Variants in BSN observed in about 807,000 individuals in gnomAD.
BSN encodes the protein protein bassoon.
Under a neutral mutation model 264.8 loss-of-function variants are expected in BSN, and 57 were observed. That is an observed-to-expected ratio of 0.22 (90% CI 0.17 to 0.27). BSN has a LOEUF of 0.27. Among genes scored for constraint, BSN ranks in the 10% least tolerant of loss-of-function variants. The pLI is 1.00. For synonymous variants in BSN, 2,059 were observed against 2,137.3 expected (o/e 0.96, Z 1.01); for missense variants, 4,615 against 5,232.5 (o/e 0.88, Z 3.64).
intron 1 of BSN, among the ~76,000 whole-genome samples, chr3:49,565,943 C>G (rs948023709): frequency 2.6e-5 from 4 of 152,164 alleles, no homozygotes; most frequent in Non-Finnish European, 4.4e-5. Context: ...CTGCCTCAGC[C>G]TCTCGAGTAG....
chr3:49,650,747 C>A lies in BSN; in HGVS notation c.1654C>A (p.Pro552Thr), dbSNP rs903477284. The change falls in exon 4 of 12, where the codon CCT becomes ACT. Residue 552 changes from proline to threonine, a missense_variant. Around this residue, in one of 3 missense-constraint regions of BSN, gnomAD observed 1,197 missense variants for 1,348.0 expected, o/e 0.89. Transcript: ENST00000296452. ...GAPHRASGTS[P>T]LKQKGPQGLG... ...CCCTCACCGTGCATCTGGAACATCC[C>A]CTCTGAAGCAGAAAGGGCCACAGGG... The A allele has an allele frequency of 2.5e-6, 4 of 1,613,698 alleles. No homozygotes were observed. Among genetic ancestry groups the A allele is most frequent in the Non-Finnish European group, 3.4e-6 (4 of 1,179,952 alleles).
chr3:49,562,283 A>G (rs1295737780), intron 1 of BSN, among the ~76,000 whole-genome samples: 1 of 152,252 alleles, frequency 6.6e-6, no homozygotes, highest in Non-Finnish European at 1.5e-5. Context: ...TTATCCATGT[A>G]TTCAGGAAAC....
chr3:49,654,326 C>A lies in BSN; in HGVS notation c.4770C>A (p.Thr1590=), dbSNP rs1030321278. 6.2e-7 allele frequency: 1 copy of A among 1,613,584 alleles called. No individual in the cohort carries two copies. The highest frequency in any genetic ancestry group is 8.5e-7 in the Non-Finnish European group (1 of 1,179,910). ...GCTCACCTACTGAAACCCAGCCCAC[C>A]ACCCATGGCTACAGCCAGACAACAC... ...PLCSPTETQP[T]THGYSQTTPP... is the part of the protein sequence containing the mutation. Residue 1590 remains threonine (T), a synonymous_variant, in exon 5 of 12, where the codon ACC becomes ACA. Transcript: ENST00000296452. This position sits in a 1 kb window ranked among gnomAD's most constrained non-coding sequence, Gnocchi z 4.1.
Position 49,638,630 on chromosome 3 carries a change from G to A in BSN, c.634-3638G>A, listed in dbSNP as rs2052437633. On this transcript the variant is annotated intron_variant, in intron 2 of 11. Coordinates refer to ENST00000296452, the MANE Select transcript of BSN (RefSeq NM_003458.4). The surrounding 1 kb of genome is among the most constrained non-coding windows in gnomAD (Gnocchi z 4.3). ...TAGAAATAGCTGCACCCATCTGGGC[G>A]ATGAGTCACTGAGGGGCGTTTCAGC... Among the ~76,000 whole-genome samples the A allele has an allele frequency of 2.6e-5, 4 of 152,180 alleles. No homozygotes were observed. The highest frequency in any genetic ancestry group is 2.1e-4 in the South Asian group (1 of 4,832).
At chr3:49,566,152 A>G (rs911425909) in intron 1 of BSN, among the ~76,000 whole-genome samples, 2 of 152,190 alleles carry the variant, frequency 1.3e-5, no homozygotes, top group South Asian at 2.1e-4. Context: ...GTTTGTTCAA[A>G]CAGTATCCAA....
chr3:49,596,809 C>T (rs1198558577), intron 1 of BSN, among the ~76,000 whole-genome samples: 1 of 152,166 alleles, frequency 6.6e-6, no homozygotes. Flanking sequence ...TACAGGCCTA[C>T]ACCATTGCAC....
In BSN at chr3:49,657,694, G is replaced by C. The variant is rs752959193; in HGVS notation, c.8138G>C (p.Gly2713Ala). Reference protein sequence around the residue: ...YISAPEKTGRGESLACQTEPD... With the variant: ...YISAPEKTGRAESLACQTEPD... ...TCGGCGCCAGAGAAGACTGGGCGTG[G>C]GGAGAGCCTGGCCTGCCAGACGGAG... is the stretch of plus-strand genomic sequence containing the variant. Residue 2713 changes from glycine (G) to alanine (A), a missense_variant, in exon 5 of 12, where the codon GGG becomes GCG. This residue lies in a region of BSN where 3,415 missense variants were observed against 3,866.4 expected (regional missense o/e 0.88). Transcript: ENST00000296452. 3.2e-6 allele frequency: 5 copies of C among 1,558,194 alleles called. No individual in the cohort carries two copies. Among genetic ancestry groups the C allele is most frequent in the Non-Finnish European group, 4.4e-6 (5 of 1,148,662 alleles).
intron 1 of BSN, among the ~76,000 whole-genome samples, chr3:49,568,431 C>G (rs2051771003): frequency 6.6e-6 from 1 of 152,094 alleles, no homozygotes. Flanking sequence ...CATCTTGTTC[C>G]CTCTACTTTA....
In BSN at chr3:49,578,090, GCTTAA is replaced by G. The variant is rs2051860485; in HGVS notation, c.224+23265_224+23269del. 4.6e-5 allele frequency among the ~76,000 whole-genome samples: 7 copies of G among 152,250 alleles called. 1 individual carries two copies. The South Asian group carries it at 1.5e-3, about 32-fold the overall frequency. ...CTTGTTATTTTCTAATTTTGTGGAT[GCTTAA>G]TACATTAGCACACTAATACATGCTT... is the stretch of plus-strand genomic sequence containing the variant. On this transcript the variant is annotated intron_variant, in intron 1 of 11. Transcript: ENST00000296452.
At chr3:49,589,954 C>G (rs1317446801) in intron 1 of BSN, among the ~76,000 whole-genome samples, 1 of 151,928 alleles carries the variant, frequency 6.6e-6, no homozygotes, top group Non-Finnish European at 1.5e-5. Flanking sequence ...TCTCCTGCCT[C>G]AGCCTCCTGA....
At chr3:49,572,200 A>G (rs1241577755) in intron 1 of BSN, among the ~76,000 whole-genome samples, 19 of 152,202 alleles carry the variant, frequency 1.2e-4, no homozygotes, top group Admixed American at 1.2e-3. Context: ...AGATTGAATT[A>G]ATCTGACATA....
chr3:49,621,540 G>T (rs1055809637), intron 1 of BSN, among the ~76,000 whole-genome samples: 1 of 152,130 alleles, frequency 6.6e-6, no homozygotes, highest in Non-Finnish European at 1.5e-5. Context: ...AGGATCAAGT[G>T]CTGCTGATGG....
At chr3:49,672,781 CTTT>C (rs757536435), downstream of BSN, among the ~76,000 whole-genome samples, 5 of 106,978 alleles carry the variant, frequency 4.7e-5, no homozygotes, top group Non-Finnish European at 7.8e-5. Flanking sequence ...GCGCCTGGCA[CTTT>C]TTTTTTTTTT....
chr3:49,627,853 T>C (rs1284957612), intron 2 of BSN, among the ~76,000 whole-genome samples: 1 of 152,070 alleles, frequency 6.6e-6, no homozygotes, highest in Non-Finnish European at 1.5e-5. Context: ...TAGAAAAAGG[T>C]AGAGGTACTG....
In BSN at chr3:49,655,942, C is replaced by G; in HGVS notation, c.6386C>G (p.Pro2129Arg). The change falls in exon 5 of 12, where the codon CCC becomes CGC. Residue 2129 changes from proline (P) to arginine (R), a missense_variant. Pro to Arg is a moderately radical substitution (Grantham distance 103). This residue lies in a region of BSN where 3,415 missense variants were observed against 3,866.4 expected (regional missense o/e 0.88). Transcript: ENST00000296452. ...GGGPDLVQYQ[P>R]QHGPGLSAPQ... is the part of the protein sequence containing the mutation. Reference sequence around the variant, plus strand: ...GGCCCTGACCTTGTGCAGTACCAGCCCCAGCACGGGCCCGGGCTCAGTGCT... The same window carrying G: ...GGCCCTGACCTTGTGCAGTACCAGCGCCAGCACGGGCCCGGGCTCAGTGCT... The G allele has an allele frequency of 6.2e-7, 1 of 1,611,170 alleles. No individual in the cohort carries two copies. The highest frequency in any genetic ancestry group is 1.1e-5 in the South Asian group (1 of 91,068).
At position 49,652,288 on chromosome 3, in the gene BSN, A is replaced by T. The variant is rs759595835; in HGVS notation, c.2732A>T (p.Glu911Val). ...ACGGGCTATGAGGAGCTGCTCCCTG[A>T]GGGAGGCTCAGCAGAGGCTACCGAT... ...ATTGYEELLPEGGSAEATDGS... is the reference protein window; with the variant it reads ...ATTGYEELLPVGGSAEATDGS... The change falls in exon 5 of 12, where the codon GAG becomes GTG. Residue 911 changes from glutamate to valine, a missense_variant. Around this residue, in one of 3 missense-constraint regions of BSN, gnomAD observed 1,197 missense variants for 1,348.0 expected, o/e 0.89. Transcript: ENST00000296452. 1.3e-6 allele frequency: 2 copies of T among 1,597,078 alleles called. No individual in the cohort carries two copies. Among genetic ancestry groups the T allele is most frequent in the Non-Finnish European group, 1.7e-6 (2 of 1,170,714 alleles).
chr3:49,658,872 G>T (rs904579093), intron 5 of BSN, among the ~76,000 whole-genome samples: 1 of 152,218 alleles, frequency 6.6e-6, no homozygotes, highest in African/African-American at 2.4e-5. Flanking sequence ...GAAGTGGCTT[G>T]GCTGTGGGCT....
intron 3 of BSN, among the ~76,000 whole-genome samples, chr3:49,644,243 G>A (rs772163787): frequency 6.6e-6 from 1 of 152,184 alleles, no homozygotes; most frequent in Non-Finnish European, 1.5e-5. Flanking sequence ...TGGTCTCTTG[G>A]GCTGAGCCAT....
Position 49,625,028 on chromosome 3 carries a change from C to T in BSN, c.278C>T (p.Ser93Phe). 1 of 1,580,874 alleles carries T rather than the reference C, an allele frequency of 6.3e-7. No individual in the cohort carries two copies. The highest frequency in any genetic ancestry group is 1.1e-5 in the South Asian group (1 of 87,470). ...CCCCTGGGTAACCAGAGAGCAGCTT[C>T]CCCAACTCCGAAGCAGGCTTCTGCT... ...KEPLGNQRAA[S>F]PTPKQASATT... Residue 93 changes from serine (S) to phenylalanine (F), a missense_variant, in exon 2 of 12, where the codon TCC (serine) becomes TTC (phenylalanine). Ser to Phe is a radical substitution (Grantham distance 155, BLOSUM62 -2). Transcript: ENST00000296452. The surrounding 1 kb of genome is among the most constrained non-coding windows in gnomAD (Gnocchi z 4.4).
Sources: allele counts gnomAD v4.1 joint callset (sites outside exome capture counted in the v4.1 genomes callset), GRCh38; gene constraint gnomAD v4.1.1; regional missense constraint gnomAD v4.1.1; non-coding constraint Gnocchi (gnomAD v3.1); transcripts MANE v1.5; gene names NCBI Gene and HGNC (gene_info 2026-07-23, HGNC 2026-07-21).